The following LCP1 variants were observed in gnomAD, a reference collection of about 807,000 sequenced individuals.
LCP1 encodes lymphocyte cytosolic protein 1.
In LCP1, 23 loss-of-function variants were observed where a neutral mutation model predicts 72.0. The ratio of observed to expected loss-of-function variants is 0.32; its 90% confidence interval spans 0.23 to 0.45. LCP1 has a LOEUF of 0.45. Among genes scored for constraint, LCP1 ranks in the 20% least tolerant of loss-of-function variants. The probability of loss-of-function intolerance (pLI) is 1.00; values close to 1 mark genes in which losing one functional copy is unlikely to be tolerated. For missense variants in LCP1, 571 were observed against 748.3 expected, an observed-to-expected ratio of 0.76 and a Z score of 2.76; for synonymous variants, 245 against 275.4, an observed-to-expected ratio of 0.89 and a Z score of 1.09.
chr13:46,176,172 A>G (rs1331986756), intron 1 of LCP1, among the ~76,000 whole-genome samples: 3 of 152,206 alleles, frequency 2.0e-5, no homozygotes, highest in African/African-American at 4.8e-5. Context: ...TTAACAGTAC[A>G]TAGTTTTAAA....
chr13:46,140,704 A>G (rs2045692164), intron 13 of LCP1, among the ~76,000 whole-genome samples: 1 of 152,240 alleles, frequency 6.6e-6, no homozygotes. Context: ...AAAATAAGTT[A>G]CTGTAATTAT....
rs373412001 is a variant in LCP1 at position 46,127,732 on chromosome 13, G to A, written c.1752-9C>T. On this transcript the variant is annotated splice_polypyrimidine_tract_variant and intron_variant, in intron 15 of 15. Transcript: ENST00000323076. ...CCATAGAGATGGCATATCTAAAAGG[G>A]AGAAAAGAGGAAAAATAAGGAGAGC... 5.6e-6 allele frequency: 9 copies of A among 1,614,064 alleles called. No homozygotes were observed. The highest frequency in any genetic ancestry group is 6.8e-6 in the Non-Finnish European group (8 of 1,179,990).
chr13:46,144,336 G>A (rs557710580), intron 11 of LCP1, 106 bp downstream of exon 11: 159 of 876,656 alleles, frequency 1.8e-4, no homozygotes, highest in Non-Finnish European at 2.6e-4. Context: ...TTCCAGCAAG[G>A]TATGCACATT....
intron 1 of LCP1, among the ~76,000 whole-genome samples, chr13:46,163,001 G>C (rs1015895036): frequency 1.4e-5 from 2 of 147,438 alleles, no homozygotes; most frequent in East Asian, 2.4e-4. Context: ...CCGCCCCGTC[G>C]GGGAGGGAGG....
chr13:46,142,424 A>C lies in LCP1; in HGVS notation c.1370T>G (p.Leu457Arg). ...TTCTACCGCGTAGTTACAATTCTCAAGCTGAATGAGCAGAAAGGAAAACGA... is the reference window on the plus strand; with the variant it reads ...TTCTACCGCGTAGTTACAATTCTCACGCTGAATGAGCAGAAAGGAAAACGA... ...YPKLGGNMKKLENCNYAVELG... is the reference protein window; with the variant it reads ...YPKLGGNMKKRENCNYAVELG... The change falls in exon 13 of 16, where the codon CTT (leucine) becomes CGT (arginine). Residue 457 changes from leucine (L) to arginine (R), a missense_variant and splice_region_variant. Coordinates refer to ENST00000323076, the MANE Select transcript of LCP1 (RefSeq NM_002298.5). The C allele has an allele frequency of 6.2e-7, 1 of 1,613,220 alleles. No individual in the cohort carries two copies. Among genetic ancestry groups the C allele is most frequent in the Non-Finnish European group, 8.5e-7 (1 of 1,179,328 alleles).
Position 46,127,268 on chromosome 13 carries a change from A to T in LCP1, c.*323T>A, listed in dbSNP as rs1201683408. ...GGTTTGAAAGATTATATCAAAATTA[A>T]TACCACTGCAGCTTCTATCCTTGGC... On this transcript the variant is annotated 3_prime_UTR_variant, in exon 16 of 16. Coordinates refer to ENST00000323076, the MANE Select transcript of LCP1 (RefSeq NM_002298.5). The T allele has an allele frequency of 7.2e-6, 2 of 278,650 alleles. No individual in the cohort carries two copies. Among genetic ancestry groups the T allele is most frequent in the African/African-American group, 4.3e-5 (2 of 46,474 alleles). The allele number at this position is 278,650 out of a possible 1,614,324, so 17.3% of individuals were successfully genotyped here. A position where few individuals can be genotyped will look rare whatever the true frequency, so the allele number is the denominator to read the frequency against.
chr13:46,137,793 G>A (rs1437146890), intron 13 of LCP1, among the ~76,000 whole-genome samples: 1 of 152,182 alleles, frequency 6.6e-6, no homozygotes, highest in Non-Finnish European at 1.5e-5. Context: ...TTGTCAAAAT[G>A]AAACAGAATT....
chr13:46,169,087 A>G (rs1428220685), intron 1 of LCP1, among the ~76,000 whole-genome samples: 2 of 152,248 alleles, frequency 1.3e-5, no homozygotes, highest in African/African-American at 4.8e-5. Context: ...GTTAAAGGAC[A>G]TGCCTAACAT....
intron 5 of LCP1, 53 bp downstream of exon 5, chr13:46,156,382 TTGA>T: frequency 6.3e-7 from 1 of 1,598,062 alleles, no homozygotes; most frequent in Non-Finnish European, 8.6e-7. Context: ...CGATTAATTG[TTGA>T]TGGTCTAGAA....
intron 1 of LCP1, among the ~76,000 whole-genome samples, chr13:46,164,076 G>C (rs563045592): frequency 1.3e-5 from 2 of 152,312 alleles, no homozygotes; most frequent in South Asian, 4.1e-4. Context: ...TATTGACCCA[G>C]TTAGTTATCC....
chr13:46,156,636 T>A, intron 4 of LCP1, 66 bp from the exon 5 acceptor site: 1 of 1,546,314 alleles, frequency 6.5e-7, no homozygotes, highest in Admixed American at 1.7e-5. Context: ...AAATTATGCA[T>A]GTGGATCTTA....
rs1221509418 is a variant in LCP1, at chr13:46,127,572, C to A, written c.*19G>T. On this transcript the variant is annotated 3_prime_UTR_variant, in exon 16 of 16. Transcript: ENST00000323076. ...AGTCAGGAGTGAGTGCACCGCCTCC[C>A]ACCCAGCCCCATTGGGCCTCACACC... The A allele has an allele frequency of 1.6e-5, 26 of 1,613,804 alleles. No homozygotes were observed. Among genetic ancestry groups the A allele is most frequent in the Non-Finnish European group, 2.2e-5 (26 of 1,179,920 alleles).
chr13:46,168,711 T>TA (rs1490270943), intron 1 of LCP1, among the ~76,000 whole-genome samples: 1 of 152,198 alleles, frequency 6.6e-6, no homozygotes, highest in Non-Finnish European at 1.5e-5. Context: ...ACTATTTTGT[T>TA]AAAAATATCC....
intron 8 of LCP1, among the ~76,000 whole-genome samples, chr13:46,149,510 T>C (rs969150798): frequency 1.3e-5 from 2 of 152,226 alleles, no homozygotes; most frequent in Non-Finnish European, 2.9e-5. Flanking sequence ...CACCTGACTC[T>C]CATGAACCTT....
At chr13:46,176,574 T>G (rs1408968611) in intron 1 of LCP1, among the ~76,000 whole-genome samples, 7 of 152,200 alleles carry the variant, frequency 4.6e-5, no homozygotes, top group Non-Finnish European at 1.0e-4. Flanking sequence ...CACATTTGGA[T>G]ACATAGCTTG....
chr13:46,165,941 A>G (rs1335282088), intron 1 of LCP1, among the ~76,000 whole-genome samples: 1 of 152,090 alleles, frequency 6.6e-6, no homozygotes, highest in Non-Finnish European at 1.5e-5. Flanking sequence ...TTAAAAAATT[A>G]TATTATTTTT....
Position 46,153,036 on chromosome 13 carries a change from C to T in LCP1, c.574-91G>A, listed in dbSNP as rs145461871. 3.6e-4 allele frequency: 453 copies of T among 1,262,114 alleles called. 1 individual carries two copies. In the African/African-American group the frequency reaches 5.6e-3, roughly 15 times the overall value. The allele number at this position is 1,262,114 out of a possible 1,614,324, so 78.2% of individuals were successfully genotyped here. A position where few individuals can be genotyped will look rare whatever the true frequency, so the allele number is the denominator to read the frequency against. ...CAACAGTAACAATGTTTTCCTTCTG[C>T]GAAGGTCACAGGTTTAGAGTCATGG... On this transcript the variant is annotated intron_variant, in intron 6 of 15. Coordinates refer to ENST00000323076, the MANE Select transcript of LCP1 (RefSeq NM_002298.5).
chr13:46,153,033 C>T, intron 6 of LCP1, 88 bp from the exon 7 acceptor site: 2 of 1,283,534 alleles, frequency 1.6e-6, no homozygotes, highest in Non-Finnish European at 2.1e-6. Flanking sequence ...TGTTTTCCTT[C>T]TGCGAAGGTC....
At chr13:46,171,592 C>T (rs533008742) in intron 1 of LCP1, among the ~76,000 whole-genome samples, 1 of 152,174 alleles carries the variant, frequency 6.6e-6, no homozygotes, top group Non-Finnish European at 1.5e-5. Flanking sequence ...CAGTCATTCA[C>T]TCACATTTAA....
Sources: allele counts gnomAD v4.1 joint callset (sites outside exome capture counted in the v4.1 genomes callset), GRCh38; gene constraint gnomAD v4.1.1; transcripts MANE v1.5; gene names NCBI Gene and HGNC (gene_info 2026-07-23, HGNC 2026-07-21).